MGRN1: variants seen among roughly 807,000 people sequenced by gnomAD.
MGRN1 encodes the protein mahogunin ring finger 1, also known as E3 ubiquitin-protein ligase MGRN1.
A neutral mutation model predicts 69.2 loss-of-function variants in MGRN1; 29 were observed. The observed-to-expected ratio is 0.42, with a 90% CI of 0.31 to 0.57. The LOEUF (loss-of-function observed/expected upper bound fraction) is 0.57. MGRN1 is among the 20% of genes least tolerant of loss of function. The pLI is 0.15. For missense variants in MGRN1, 998 were observed against 796.2 expected (o/e 1.25, Z -3.05); for synonymous variants, 470 against 344.2 (o/e 1.37, Z -4.04).
chr16:4,628,343 G>A (rs1338572588), intron 1 of MGRN1, among the ~76,000 whole-genome samples: 3 of 143,130 alleles, frequency 2.1e-5, no homozygotes, highest in East Asian at 2.0e-4. Context: ...CCGAGATCAC[G>A]CCATTGCACT....
chr16:4,670,291 G>A (rs2078910371), intron 8 of MGRN1, among the ~76,000 whole-genome samples: 1 of 152,208 alleles, frequency 6.6e-6, no homozygotes, highest in African/African-American at 2.4e-5. Flanking sequence ...CGCCGAGGCT[G>A]GAGTGCAGTG....
At chr16:4,634,280 C>G (rs1898163022) in intron 1 of MGRN1, 1 of 152,634 alleles carries the variant, frequency 6.6e-6, no homozygotes, top group East Asian at 1.9e-4. Flanking sequence ...GGCCCTGGCC[C>G]TCGCCCAGCC....
At chr16:4,685,353 T>TACAGAGGAGGCCCAC (rs879306953) in intron 16 of MGRN1, among the ~76,000 whole-genome samples, 1 of 152,140 alleles carries the variant, frequency 6.6e-6, no homozygotes, top group Non-Finnish European at 1.5e-5. Flanking sequence ...TTGGGACAGC[T>TACAGAGGAGGCCCAC]ACAGAGGAGG....
At chr16:4,673,782 C>G (rs1304654810) in intron 10 of MGRN1, 125 bp downstream of exon 10, 7 of 1,246,020 alleles carry the variant, frequency 5.6e-6, no homozygotes, top group Non-Finnish European at 7.7e-6. Context: ...TGTCATTCAT[C>G]TAGTCTGTGC....
At chr16:4,636,980 A>G (rs1898328271) in intron 1 of MGRN1, among the ~76,000 whole-genome samples, 1 of 151,886 alleles carries the variant, frequency 6.6e-6, no homozygotes, top group African/African-American at 2.4e-5. Flanking sequence ...TTAGCAGGGC[A>G]CGGTGGCGTG....
chr16:4,681,536 C>T lies in MGRN1; in HGVS notation c.1132-14C>T, dbSNP rs769000673. 11 of 1,606,924 alleles carry T rather than the reference C, an allele frequency of 6.8e-6. No homozygotes were observed. In the African/African-American group the frequency reaches 1.1e-4, roughly 16 times the overall value. ...CCCTGGGCATGAGCCCCCTCACGCA[C>T]CCTGTCCCTACAGAACTCTGACAGC... On this transcript the variant is annotated splice_polypyrimidine_tract_variant and intron_variant, in intron 12 of 16. Transcript: ENST00000262370.
chr16:4,659,627 C>T (rs1014642630), intron 5 of MGRN1, among the ~76,000 whole-genome samples: 1 of 152,274 alleles, frequency 6.6e-6, no homozygotes, highest in East Asian at 1.9e-4. Context: ...GGAGGGCCCG[C>T]GTGCAGCATA....
Position 4,685,474 on chromosome 16 carries a change from G to A in MGRN1, c.1618+1542G>A, listed in dbSNP as rs1019241403. On this transcript the variant is annotated intron_variant, in intron 16 of 16. Transcript: ENST00000262370. The stretch of plus-strand genomic sequence containing the variant: ...GCAGGCAGTCGTCATCTGTGGAGGC[G>A]GTAGAGGAGAGGCCGAGTCTACATC... Among the ~76,000 whole-genome samples, 6 of 152,200 alleles carry A rather than the reference G, an allele frequency of 3.9e-5. No homozygotes were observed. In the East Asian group the frequency reaches 7.7e-4, roughly 20 times the overall value.
intron 1 of MGRN1, among the ~76,000 whole-genome samples, chr16:4,628,526 C>T (rs986616407): frequency 3.3e-5 from 5 of 152,144 alleles, no homozygotes; most frequent in African/African-American, 1.2e-4. Flanking sequence ...CCAACCCCCA[C>T]CCTCAGCCCA....
intron 10 of MGRN1, among the ~76,000 whole-genome samples, chr16:4,675,453 A>T (rs2079034151): frequency 6.6e-6 from 1 of 152,142 alleles, no homozygotes; most frequent in African/African-American, 2.4e-5. Flanking sequence ...ATAAATTTTT[A>T]GCATAACGCT....
rs551966569 is a variant in MGRN1 at position 4,646,558 on chromosome 16, C to T, written c.89-3807C>T. Reference sequence around the variant, plus strand: ...GAGGCCTCAGGTCCTCCCCTCGGGACCTCTCCATGGGGCTGCTTGGGTGTC... The same window carrying T: ...GAGGCCTCAGGTCCTCCCCTCGGGATCTCTCCATGGGGCTGCTTGGGTGTC... On this transcript the variant is annotated intron_variant, in intron 1 of 16. Coordinates refer to ENST00000262370, the MANE Select transcript of MGRN1 (RefSeq NM_015246.4). Among the ~76,000 whole-genome samples the T allele has an allele frequency of 9.9e-5, 15 of 152,260 alleles. 2 individuals carry two copies. In the South Asian group the frequency reaches 2.9e-3, roughly 29 times the overall value.
At chr16:4,657,738 CTTTTTTTTTTTTT>C (rs1157518931) in intron 5 of MGRN1, among the ~76,000 whole-genome samples, 4 of 76,998 alleles carry the variant, frequency 5.2e-5, no homozygotes, top group African/African-American at 1.2e-4. Flanking sequence ...TGCAGACATC[CTTTTTTTTTTTTT>C]TTTTTTTTTT....
intron 16 of MGRN1, 135 bp from the exon 17 acceptor site, chr16:4,688,661 T>C: frequency 6.9e-7 from 1 of 1,441,888 alleles, no homozygotes; most frequent in Non-Finnish European, 9.2e-7. Context: ...TCTGAGTGAA[T>C]GCTGTTGTGG....
intron 5 of MGRN1, among the ~76,000 whole-genome samples, chr16:4,659,956 C>G (rs796956800): frequency 2.0e-5 from 3 of 152,256 alleles, no homozygotes; most frequent in African/African-American, 7.2e-5. Context: ...GGCCGTGTGT[C>G]TTCTCTTTGT....
intron 16 of MGRN1, chr16:4,687,535 C>T (rs2079356534): frequency 1.0e-6 from 1 of 980,304 alleles, no homozygotes; most frequent in African/African-American, 1.8e-5. Context: ...CACACACCCA[C>T]CCACCCACTC....
intron 16 of MGRN1, among the ~76,000 whole-genome samples, chr16:4,684,814 T>G (rs1294486457): frequency 6.6e-6 from 1 of 152,250 alleles, no homozygotes; most frequent in Non-Finnish European, 1.5e-5. Context: ...CTTTCAGACA[T>G]GACCCCAGAG....
At chr16:4,672,295 C>T (rs1481121001) in intron 9 of MGRN1, 1 of 455,046 alleles carries the variant, frequency 2.2e-6, no homozygotes, top group Non-Finnish European at 4.4e-6. Flanking sequence ...GATCTGCCTG[C>T]CTCAGCCTCC....
In MGRN1 at chr16:4,682,952, G is replaced by A; in HGVS notation, c.1482+6G>A. The A allele has an allele frequency of 1.3e-6, 2 of 1,552,836 alleles. No individual in the cohort carries two copies. The highest frequency in any genetic ancestry group is 1.4e-5 in the African/African-American group (1 of 72,834). On this transcript the variant is annotated splice_donor_region_variant and intron_variant, in intron 14 of 16. Transcript: ENST00000262370. The stretch of plus-strand genomic sequence containing the variant: ...GGGAAAGCAGCTCCCCTGAGGTGAG[G>A]CCCCCCCGGGGAAGCTTTGCGCACC...
At chr16:4,642,193 C>T (rs1232472394) in intron 1 of MGRN1, among the ~76,000 whole-genome samples, 4 of 149,978 alleles carry the variant, frequency 2.7e-5, no homozygotes, top group Non-Finnish European at 4.4e-5. Context: ...TGCAGTGGCG[C>T]GATTTCAGCT....
Sources: gnomAD v4.1 joint callset for allele counts (sites outside exome capture counted in the v4.1 genomes callset) on GRCh38, gnomAD v4.1.1 for gene constraint, MANE v1.5 for transcripts, NCBI Gene and HGNC (gene_info 2026-07-23, HGNC 2026-07-21) for gene names.